DGLUCY: variants seen among roughly 807,000 people sequenced by gnomAD.
The protein encoded by DGLUCY is D-glutamate cyclase.
DGLUCY carries 58 observed loss-of-function variants against 58.5 expected under a neutral mutation model. That is an observed-to-expected ratio of 0.99 (90% confidence interval 0.80 to 1.23). The LOEUF (loss-of-function observed/expected upper bound fraction) is 1.23, where lower values mean the gene tolerates loss of function less well. DGLUCY is among the 50% of genes most tolerant of loss of function. The pLI is 0.00. For synonymous variants in DGLUCY, 325 were observed against 314.1 expected (o/e 1.03, Z -0.37); for missense variants, 779 against 784.7 (o/e 0.99, Z 0.09).
intron 1 of DGLUCY, among the ~76,000 whole-genome samples, chr14:91,135,667 A>C (rs1413910531): frequency 6.6e-6 from 1 of 150,824 alleles, no homozygotes; most frequent in Non-Finnish European, 1.5e-5. Flanking sequence ...AAAAAAAAAA[A>C]AAAAAAACAA....
intron 1 of DGLUCY, among the ~76,000 whole-genome samples, chr14:91,095,810 A>G (rs535522596): frequency 3.6e-5 from 5 of 140,098 alleles, no homozygotes; most frequent in Non-Finnish European, 4.6e-5. Flanking sequence ...GTCTGGGCCC[A>G]CCTTTCCCCA....
Position 91,125,436 on chromosome 14 carries a change from A to G in DGLUCY, c.-82+11153A>G, listed in dbSNP as rs547058876. 99 of 152,248 alleles carry G rather than the reference A, an allele frequency of 6.5e-4. 1 individual carries two copies. Among genetic ancestry groups the G allele is most frequent in the African/African-American group, 2.2e-3 (92 of 41,536 alleles). The allele number at this position is 152,248 out of a possible 1,614,324, so 9.4% of individuals were successfully genotyped here. On this transcript the variant is annotated intron_variant, in intron 1 of 13. Transcript: ENST00000256324. ...TTTAGGTAAGGTTGTTTGTCCAGAG[A>G]TAGAACTGTGTTTAGATAGGGTTGC... is the stretch of plus-strand genomic sequence containing the variant.
intron 1 of DGLUCY, chr14:91,115,033 C>G (rs1250470931): frequency 6.6e-6 from 1 of 152,336 alleles, no homozygotes; most frequent in Non-Finnish European, 1.5e-5. Context: ...ATTATCTGTA[C>G]TTCCCCTCTG....
chr14:91,151,739 C>A (rs1161181959), intron 1 of DGLUCY, among the ~76,000 whole-genome samples: 4 of 151,372 alleles, frequency 2.6e-5, no homozygotes, highest in Non-Finnish European at 5.9e-5. Context: ...ACTGCAACCT[C>A]CGCCTCCTGA....
intron 1 of DGLUCY, among the ~76,000 whole-genome samples, chr14:91,078,876 T>TTA (rs2044075400): frequency 1.5e-5 from 2 of 136,754 alleles, no homozygotes; most frequent in Non-Finnish European, 3.1e-5. Flanking sequence ...TATTTTTAAT[T>TTA]TTTATTTATT....
intron 1 of DGLUCY, among the ~76,000 whole-genome samples, chr14:91,101,539 T>C (rs910533633): frequency 1.3e-5 from 2 of 152,190 alleles, no homozygotes; most frequent in Non-Finnish European, 2.9e-5. Context: ...CACCAGGACG[T>C]TGGAAGTCGT....
chr14:91,220,739 G>A (rs942276724), intron 13 of DGLUCY: 9 of 447,940 alleles, frequency 2.0e-5, no homozygotes, highest in Admixed American at 1.4e-4. Context: ...CTTGCTCTAC[G>A]GGAAGCCTCA....
At chr14:91,148,126 A>T (rs1230897435) in intron 1 of DGLUCY, among the ~76,000 whole-genome samples, 2 of 152,092 alleles carry the variant, frequency 1.3e-5, no homozygotes, top group Non-Finnish European at 2.9e-5. Flanking sequence ...GTGAGCCAAG[A>T]TTGCACCGCT....
chr14:91,204,621 A>G (rs1884214358), intron 11 of DGLUCY, 85 bp from the exon 12 acceptor site: 3 of 1,543,954 alleles, frequency 1.9e-6, no homozygotes, highest in East Asian at 2.3e-5. Flanking sequence ...CCCAAAGGCA[A>G]CAAGCACATG....
intron 1 of DGLUCY, among the ~76,000 whole-genome samples, chr14:91,101,636 CTTGAG>C (rs1327981719): frequency 6.6e-6 from 1 of 152,214 alleles, no homozygotes; most frequent in Non-Finnish European, 1.5e-5. Flanking sequence ...TGGACGCATT[CTTGAG>C]TTGAGTCAAA....
intron 7 of DGLUCY, among the ~76,000 whole-genome samples, chr14:91,176,915 G>A (rs1445647742): frequency 1.3e-5 from 2 of 151,682 alleles, no homozygotes. Flanking sequence ...AATATGTTTT[G>A]ATTAAATATA....
chr14:91,142,142 G>A (rs2046733328), intron 1 of DGLUCY, among the ~76,000 whole-genome samples: 1 of 152,154 alleles, frequency 6.6e-6, no homozygotes, highest in Admixed American at 6.6e-5. Flanking sequence ...CATCGTGCCC[G>A]GCCAGAGAGG....
intron 1 of DGLUCY, among the ~76,000 whole-genome samples, chr14:91,127,636 A>T (rs545909313): frequency 6.6e-6 from 1 of 152,226 alleles, no homozygotes; most frequent in Non-Finnish European, 1.5e-5. Flanking sequence ...AGCCAGGGGA[A>T]ACTGCTTCTT....
At chr14:91,199,928 G>A (rs376060066) in intron 11 of DGLUCY, 23 bp downstream of exon 11, 4 of 1,613,592 alleles carry the variant, frequency 2.5e-6, no homozygotes, top group Non-Finnish European at 3.4e-6. Flanking sequence ...TACTGGGGAT[G>A]CACCAAGAAC....
intron 1 of DGLUCY, among the ~76,000 whole-genome samples, chr14:91,108,710 G>A (rs2044644984): frequency 6.6e-6 from 1 of 151,982 alleles, no homozygotes. Context: ...GCTAATTTTT[G>A]TATTTTCAGT....
At chr14:91,200,002 T>A (rs562126065) in intron 11 of DGLUCY, 97 bp downstream of exon 11, 1 of 1,477,600 alleles carries the variant, frequency 6.8e-7, no homozygotes, top group Non-Finnish European at 9.3e-7. Flanking sequence ...TCACCCAGGC[T>A]GGAGTGCAGT....
chr14:91,089,975 C>G (rs1281059385), intron 1 of DGLUCY, among the ~76,000 whole-genome samples: 1 of 152,174 alleles, frequency 6.6e-6, no homozygotes, highest in Non-Finnish European at 1.5e-5. Flanking sequence ...GCCAAAACCT[C>G]TATGCACCCT....
At chr14:91,211,267 A>C (rs938640830) in intron 12 of DGLUCY, among the ~76,000 whole-genome samples, 2 of 152,228 alleles carry the variant, frequency 1.3e-5, no homozygotes, top group African/African-American at 4.8e-5. Context: ...CAACTTGATC[A>C]ATAAATTTGA....
chr14:91,143,866 G>T (rs929913480), intron 1 of DGLUCY, among the ~76,000 whole-genome samples: 2 of 152,074 alleles, frequency 1.3e-5, no homozygotes, highest in East Asian at 1.9e-4. Context: ...ATGAAAAAAC[G>T]GAGACACAAA....
Sources: allele counts gnomAD v4.1 joint callset (sites outside exome capture counted in the v4.1 genomes callset), GRCh38; gene constraint gnomAD v4.1.1; transcripts MANE v1.5; gene names NCBI Gene and HGNC (gene_info 2026-07-23, HGNC 2026-07-21).